NBPF12: variants seen among roughly 807,000 people sequenced by gnomAD.
NBPF12 encodes NBPF member 12.
A neutral mutation model predicts 146.4 loss-of-function variants in NBPF12; 115 were observed. That is an observed-to-expected ratio of 0.79 (90% CI 0.68 to 0.92). NBPF12 has a LOEUF of 0.92. Among genes scored for constraint, NBPF12 ranks in the 40% least tolerant of loss-of-function variants. The pLI, the probability that NBPF12 is intolerant of heterozygous loss-of-function variation, is 0.00. For synonymous variants in NBPF12, 385 were observed against 508.9 expected, an observed-to-expected ratio of 0.76 and a Z score of 3.28; for missense variants, 1,205 against 1,326.8, an observed-to-expected ratio of 0.91 and a Z score of 1.43.
chr1:146,970,602 G>A, intron 11 of NBPF12, 45 bp from the exon 15 acceptor site: 4 of 1,567,842 alleles, frequency 2.6e-6, no homozygotes, highest in Non-Finnish European at 3.5e-6. Flanking sequence ...TGTGCTTGCA[G>A]AATGTGAAGT....
chr1:146,978,260 A>ATTTTT (rs1187524068), intron 18 of NBPF12, among the ~76,000 whole-genome samples: 49 of 83,876 alleles, frequency 5.8e-4, no homozygotes, highest in African/African-American at 1.5e-3. Flanking sequence ...AGCGTCGTAG[A>ATTTTT]TTTTTTTTTT....
intron 1 of NBPF12, among the ~76,000 whole-genome samples, chr1:146,939,561 G>C (rs1654702008): frequency 2.0e-5 from 3 of 151,968 alleles, no homozygotes; most frequent in Non-Finnish European, 4.4e-5. Flanking sequence ...TTGGACTGTG[G>C]TGTTGGTGTT....
chr1:146,943,072 C>T (rs1467275320), intron 1 of NBPF12, among the ~76,000 whole-genome samples: 1 of 145,154 alleles, frequency 6.9e-6, no homozygotes, highest in Non-Finnish European at 1.5e-5. Flanking sequence ...GCTAATTTCT[C>T]ATTTTTTATT....
Position 146,972,882 on chromosome 1 carries a change from C to T in NBPF12, c.1723C>T (p.Gln575Ter). The change falls in exon 14 of 34, where the codon CAG becomes TAG. Residue 575 changes from glutamine (Q) to a stop codon, truncating the protein, a stop_gained. Transcript: ENST00000617844. LOFTEE classifies it high-confidence loss of function. ...GCGCCCCCAGCTGGCAGAGAAGAAA[C>T]AGCAGTTCAGAAGCCTCAAAGAGAA... is the stretch of plus-strand genomic sequence containing the variant. 3.6e-6 allele frequency: 4 copies of T among 1,119,264 alleles called. No homozygotes were observed. The highest frequency in any genetic ancestry group is 1.4e-6 in the Non-Finnish European group (1 of 730,362). 69.3% of individuals were successfully genotyped at this position (1,119,264 alleles called of 1,614,324 possible).
chr1:146,961,739 C>A (rs1384893397), intron 4 of NBPF12, among the ~76,000 whole-genome samples: 2 of 151,456 alleles, frequency 1.3e-5, no homozygotes, highest in East Asian at 2.0e-4. Flanking sequence ...CTTGAAATAC[C>A]CAGTAAAAGG....
upstream of NBPF12, among the ~76,000 whole-genome samples, chr1:146,946,629 G>C (rs1430627129): frequency 7.3e-6 from 1 of 136,876 alleles, no homozygotes; most frequent in Non-Finnish European, 1.5e-5. Flanking sequence ...CTCCCAGTCT[G>C]TGACTTGCTT....
At chr1:146,951,729 C>T in intron 2 of NBPF12, 2 of 420,118 alleles carry the variant, frequency 4.8e-6, no homozygotes, top group Non-Finnish European at 4.3e-6. Context: ...GGTTTTATTG[C>T]AAAATATTGC....
At chr1:146,970,088 A>G (rs1464255479) in intron 11 of NBPF12, among the ~76,000 whole-genome samples, 7 of 150,256 alleles carry the variant, frequency 4.7e-5, no homozygotes, top group Admixed American at 2.0e-4. Flanking sequence ...TCAAAATGAG[A>G]TGAAGCCCCT....
chr1:146,980,084 C>T (rs1432393443), intron 19 of NBPF12, among the ~76,000 whole-genome samples: 1 of 150,494 alleles, frequency 6.6e-6, no homozygotes, highest in Non-Finnish European at 1.5e-5. Context: ...TTCTTCGTCT[C>T]TTTTGATATT....
chr1:146,968,436 G>C lies in NBPF12; in HGVS notation c.989-12G>C. 2 of 1,596,842 alleles carry C rather than the reference G, an allele frequency of 1.3e-6. No homozygotes were observed. Among genetic ancestry groups the C allele is most frequent in the South Asian group, 2.2e-5 (2 of 90,878 alleles). On this transcript the variant is annotated splice_polypyrimidine_tract_variant and intron_variant, in intron 9 of 33. Coordinates refer to ENST00000617844, the Ensembl canonical transcript of NBPF12. Reference sequence around the variant, plus strand: ...GCCTTCCACTGATGCAGGCGTGTCTGTCTTTTCTCAGAATATGAAGAGTGC... The same window carrying C: ...GCCTTCCACTGATGCAGGCGTGTCTCTCTTTTCTCAGAATATGAAGAGTGC...
At chr1:146,977,345 G>A (rs1200709103) in intron 17 of NBPF12, 121 bp from the exon 21 acceptor site, 9 of 899,598 alleles carry the variant, frequency 1.0e-5, no homozygotes, top group Admixed American at 7.0e-5. Context: ...TAATGGGAAC[G>A]TCCATTTTGC....
chr1:146,995,681 C>T (rs1486874837), exon 34 of NBPF12: 1 of 149,722 alleles, frequency 6.7e-6, no homozygotes, highest in Non-Finnish European at 1.5e-5. Context: ...ACTGCAGAGA[C>T]AATGCTGTGA....
rs1553886838 is a variant in NBPF12 at position 146,973,001 on chromosome 1, A to C, written c.1801+41A>C. On this transcript the variant is annotated intron_variant, in intron 14 of 33. Coordinates refer to ENST00000617844, the Ensembl canonical transcript of NBPF12. ...TCACCATCATGAAAGTGATGAACGA[A>C]GTCCTGTCTTCTCTCTGAGAAACTA... 1,071 of 865,572 alleles carry C rather than the reference A, an allele frequency of 1.2e-3. 34 individuals are homozygous for C. The African/African-American group carries it at 0.014, about 12-fold the overall frequency. 53.6% of individuals were successfully genotyped at this position (865,572 alleles called of 1,614,324 possible). A position where few individuals can be genotyped will look rare whatever the true frequency, so the allele number is the denominator to read the frequency against.
At chr1:146,984,248 G>A (rs1200149031) in intron 21 of NBPF12, 63 bp downstream of exon 24, 10 of 794,126 alleles carry the variant, frequency 1.3e-5, no homozygotes, top group Admixed American at 8.5e-5. Flanking sequence ...CAAGTCCAGG[G>A]AAAACAGTAC....
rs1275513086 is a variant in NBPF12, at chr1:146,974,125, ATTAG to A, written c.1802-611_1802-608del. On this transcript the variant is annotated intron_variant, in intron 14 of 33. Transcript: ENST00000617844. ...TATTGGCACAGAGTAAACACTATCT[ATTAG>A]TTCTTCATTCTGCTGTTTCTAAATT... Among the ~76,000 whole-genome samples the A allele has an allele frequency of 5.9e-3, 881 of 150,354 alleles. 46 individuals carry two copies. Among genetic ancestry groups the A allele is most frequent in the African/African-American group, 0.021 (830 of 39,966 alleles).
intron 31 of NBPF12, among the ~76,000 whole-genome samples, chr1:146,992,434 TTCTCTCTCTC>T (rs139645973): frequency 3.7e-5 from 3 of 81,542 alleles, no homozygotes; most frequent in African/African-American, 6.0e-5. Flanking sequence ...ACTGAGCTCG[TTCTCTCTCTC>T]TCTCTCTCTC....
At position 146,992,514 on chromosome 1, in the gene NBPF12, C is replaced by T. The variant is rs1159939403; in HGVS notation, c.3849-198C>T. On this transcript the variant is annotated intron_variant, in intron 31 of 33. Transcript: ENST00000617844. ...TGTGTGTGTGTGTGTGTGTGTGTGT[C>T]TATCTGTCTTTCTCTTTCATTCTTT... 1.2e-4 allele frequency among the ~76,000 whole-genome samples: 6 copies of T among 52,076 alleles called. 1 individual carries two copies. Among genetic ancestry groups the T allele is most frequent in the Non-Finnish European group, 2.4e-4 (6 of 25,178 alleles). 34.2% of individuals were successfully genotyped at this position (52,076 alleles called of 152,430 possible). A position where few individuals can be genotyped will look rare whatever the true frequency, so the allele number is the denominator to read the frequency against.
At chr1:146,977,205 G>A (rs1384367113) in intron 17 of NBPF12, among the ~76,000 whole-genome samples, 1 of 139,238 alleles carries the variant, frequency 7.2e-6, no homozygotes, top group East Asian at 2.3e-4. Flanking sequence ...CACCGTACAG[G>A]GATAGCTGAG....
intron 1 of NBPF12, among the ~76,000 whole-genome samples, chr1:146,939,353 G>C (rs1273035330): frequency 6.6e-6 from 1 of 152,054 alleles, no homozygotes; most frequent in Non-Finnish European, 1.5e-5. Flanking sequence ...TTGGGCAAGA[G>C]CGCTCGCGCC....
Sources: allele counts gnomAD v4.1 joint callset (sites outside exome capture counted in the v4.1 genomes callset), GRCh38; gene constraint gnomAD v4.1.1; transcripts MANE v1.5; gene names NCBI Gene and HGNC (gene_info 2026-07-23, HGNC 2026-07-21).